The following KCTD16 variants were observed in gnomAD, a reference collection of about 807,000 sequenced individuals.
KCTD16 encodes BTB/POZ domain-containing protein KCTD16.
A neutral mutation model predicts 33.2 loss-of-function variants in KCTD16; 13 were observed. The observed-to-expected ratio is 0.39, with a 90% CI of 0.25 to 0.62. The LOEUF (loss-of-function observed/expected upper bound fraction) is 0.62, where lower values mean the gene tolerates loss of function less well. Among genes scored for constraint, KCTD16 ranks in the 20% least tolerant of loss-of-function variants. KCTD16 has a pLI of 0.50. For synonymous variants in KCTD16, 197 were observed against 195.3 expected, an observed-to-expected ratio of 1.01 and a Z score of -0.07; for missense variants, 441 against 525.1, an observed-to-expected ratio of 0.84 and a Z score of 1.57.
intron 3 of KCTD16, among the ~76,000 whole-genome samples, chr5:144,348,308 CTTA>C (rs1263742152): frequency 6.6e-6 from 1 of 150,396 alleles, no homozygotes; most frequent in East Asian, 1.9e-4. Flanking sequence ...TATGGCTGGC[CTTA>C]TTATTATTAT....
intron 3 of KCTD16, among the ~76,000 whole-genome samples, chr5:144,352,426 G>A (rs1344836482): frequency 6.6e-6 from 1 of 152,162 alleles, no homozygotes; most frequent in East Asian, 1.9e-4. Flanking sequence ...AATGGTGTCA[G>A]CTAATACTCC....
intron 3 of KCTD16, among the ~76,000 whole-genome samples, chr5:144,405,964 C>T (rs1298638863): frequency 6.6e-6 from 1 of 152,090 alleles, no homozygotes; most frequent in East Asian, 1.9e-4. Context: ...AAAAACAAAG[C>T]CATCAACTAT....
At chr5:144,255,400 G>C (rs1754817696) in intron 3 of KCTD16, among the ~76,000 whole-genome samples, 1 of 151,830 alleles carries the variant, frequency 6.6e-6, no homozygotes, top group South Asian at 2.1e-4. Flanking sequence ...AGTTTTAGGG[G>C]AACCTCCATT....
intron 3 of KCTD16, among the ~76,000 whole-genome samples, chr5:144,322,526 A>AAAAC (rs1467820621): frequency 6.7e-6 from 1 of 148,528 alleles, no homozygotes; most frequent in Non-Finnish European, 1.5e-5. Context: ...AACAAACAAA[A>AAAAC]AAAACAAAAC....
In KCTD16 at chr5:144,317,421, T is replaced by C. The variant is rs537994968; in HGVS notation, c.832+109875T>C. Reference sequence around the variant, plus strand: ...AATCACCTAGCTACTTATTCAACAGTAGATTTCTGGGCCTCAGACTCTCTG... The same window carrying C: ...AATCACCTAGCTACTTATTCAACAGCAGATTTCTGGGCCTCAGACTCTCTG... On this transcript the variant is annotated intron_variant, in intron 3 of 3. Coordinates refer to ENST00000512467, the MANE Select transcript of KCTD16 (RefSeq NM_020768.4). Among the ~76,000 whole-genome samples, 8 of 152,318 alleles carry C rather than the reference T, an allele frequency of 5.3e-5. No homozygotes were observed. The South Asian group carries it at 1.4e-3, about 28-fold the overall frequency.
intron 3 of KCTD16, among the ~76,000 whole-genome samples, chr5:144,406,220 A>AG (rs1456409911): frequency 6.6e-6 from 1 of 152,166 alleles, no homozygotes; most frequent in African/African-American, 2.4e-5. Flanking sequence ...ACAGTGTTTT[A>AG]GTTTGGACAA....
rs115271991 is a variant in KCTD16, at chr5:144,439,283, G to A, written c.833-34377G>A. ...AGTATTGGCATGTCATGTTGCCCAA[G>A]GACATAGCCAAGCTGGTCCCTAAAA... On this transcript the variant is annotated intron_variant, in intron 3 of 3. Coordinates refer to ENST00000512467, the MANE Select transcript of KCTD16 (RefSeq NM_020768.4). 3,357 of 432,208 alleles carry A rather than the reference G, an allele frequency of 7.8e-3. 19 individuals are homozygous for A. Among genetic ancestry groups the A allele is most frequent in the Non-Finnish European group, 0.011 (2,539 of 223,360 alleles). The allele number at this position is 432,208 out of a possible 1,614,324, so 26.8% of individuals were successfully genotyped here.
At chr5:144,201,157 A>G (rs997627413) in intron 2 of KCTD16, among the ~76,000 whole-genome samples, 4 of 152,196 alleles carry the variant, frequency 2.6e-5, no homozygotes, top group Non-Finnish European at 5.9e-5. Context: ...CATCTCAACT[A>G]CCTAGAAGTG....
In KCTD16 at chr5:144,477,765, C is replaced by A. The variant is rs919452827; in HGVS notation, c.*3651C>A. On this transcript the variant is annotated 3_prime_UTR_variant, in exon 4 of 4. Transcript: ENST00000512467. ...CATTTTCCTTTGCTACAATTCCAAC[C>A]TTCAACTTTGTATCTACTATAGTGT... The A allele has an allele frequency of 6.6e-6, 1 of 151,946 alleles. No individual in the cohort carries two copies. The highest frequency in any genetic ancestry group is 1.5e-5 in the Non-Finnish European group (1 of 67,946). The allele number at this position is 151,946 out of a possible 1,614,324, so 9.4% of individuals were successfully genotyped here. A position where few individuals can be genotyped will look rare whatever the true frequency, so the allele number is the denominator to read the frequency against.
intron 3 of KCTD16, among the ~76,000 whole-genome samples, chr5:144,344,818 C>G (rs1473684146): frequency 6.7e-6 from 1 of 150,154 alleles, no homozygotes; most frequent in Non-Finnish European, 1.5e-5. Flanking sequence ...GGATCTAGAA[C>G]TAGAAATACC....
At position 144,171,652 on chromosome 5, in the gene KCTD16, C is replaced by T. The variant is rs77094452; in HGVS notation, c.-493+643C>T. 1.4e-3 allele frequency among the ~76,000 whole-genome samples: 211 copies of T among 152,146 alleles called. 5 individuals are homozygous for T. The East Asian group carries it at 0.032, about 23-fold the overall frequency. On this transcript the variant is annotated intron_variant, in intron 1 of 3. Transcript: ENST00000512467. Reference sequence around the variant, plus strand: ...TGCCAAATCCAAATGTCCTTGGGGGCGGTGGGGGCAACATTAGCTGAATTT... The same window carrying T: ...TGCCAAATCCAAATGTCCTTGGGGGTGGTGGGGGCAACATTAGCTGAATTT...
chr5:144,462,128 C>G (rs1031915171), intron 3 of KCTD16, among the ~76,000 whole-genome samples: 1 of 152,016 alleles, frequency 6.6e-6, no homozygotes, highest in Non-Finnish European at 1.5e-5. Flanking sequence ...CTTTTCTCTT[C>G]CATTGCTAAC....
intron 3 of KCTD16, among the ~76,000 whole-genome samples, chr5:144,294,676 A>G (rs186507049): frequency 1.0e-3 from 152 of 152,352 alleles, no homozygotes; most frequent in African/African-American, 2.8e-3. Flanking sequence ...TGGGTGGCAA[A>G]ATAGCTCAGT....
chr5:144,190,296 C>T (rs1325858027), intron 2 of KCTD16, among the ~76,000 whole-genome samples: 1 of 152,144 alleles, frequency 6.6e-6, no homozygotes, highest in Admixed American at 6.5e-5. Context: ...GCTTTGGAGT[C>T]AGAGTGTCTG....
rs180718463 is a variant in KCTD16 at position 144,484,277 on chromosome 5, C to T, written c.*10163C>T. On this transcript the variant is annotated 3_prime_UTR_variant, in exon 4 of 4. Coordinates refer to ENST00000512467, the MANE Select transcript of KCTD16 (RefSeq NM_020768.4). ...AAGACACACAGAAACACAAACTTAG[C>T]GGAGCTGCACTTCAGAGAGTCCCAC... 1.2e-3 allele frequency: 185 copies of T among 151,904 alleles called. 2 individuals are homozygous for T. The highest frequency in any genetic ancestry group is 4.2e-3 in the African/African-American group (174 of 41,496). 9.4% of individuals were successfully genotyped at this position (151,904 alleles called of 1,614,324 possible). A position where few individuals can be genotyped will look rare whatever the true frequency, so the allele number is the denominator to read the frequency against.
chr5:144,349,606 C>T (rs142478669), intron 3 of KCTD16, among the ~76,000 whole-genome samples: 2 of 152,160 alleles, frequency 1.3e-5, no homozygotes, highest in African/African-American at 4.8e-5. Flanking sequence ...AATCCTATAC[C>T]TACCTCCAGA....
At chr5:144,332,610 T>C (rs972705765) in intron 3 of KCTD16, among the ~76,000 whole-genome samples, 4 of 152,212 alleles carry the variant, frequency 2.6e-5, no homozygotes, top group African/African-American at 9.6e-5. Context: ...ACTTCTGTTC[T>C]CTGCATATCT....
intron 3 of KCTD16, among the ~76,000 whole-genome samples, chr5:144,425,026 C>T (rs1753293444): frequency 6.6e-6 from 1 of 152,092 alleles, no homozygotes; most frequent in Non-Finnish European, 1.5e-5. Flanking sequence ...AGTCCAAAGT[C>T]CAGAGTCTCA....
chr5:144,183,720 C>A (rs1369109956), intron 2 of KCTD16, among the ~76,000 whole-genome samples: 2 of 152,122 alleles, frequency 1.3e-5, no homozygotes, highest in African/African-American at 4.8e-5. Flanking sequence ...GAAGACAGGG[C>A]ATTTTTGTTC....
Sources: gnomAD v4.1 joint callset for allele counts (sites outside exome capture counted in the v4.1 genomes callset) on GRCh38, gnomAD v4.1.1 for gene constraint, MANE v1.5 for transcripts, NCBI Gene and HGNC (gene_info 2026-07-23, HGNC 2026-07-21) for gene names.